Variants in AHRR observed in about 807,000 individuals in gnomAD.
The protein encoded by AHRR is aryl hydrocarbon receptor repressor.
AHRR carries 28 observed loss-of-function variants against 44.0 expected under a neutral mutation model. The observed-to-expected ratio is 0.64, with a 90% CI of 0.47 to 0.87. The LOEUF is 0.87. Ranked by LOEUF, AHRR falls within the 40% of genes least tolerant of loss-of-function variation. AHRR has a pLI of 0.00. For synonymous variants in AHRR, 434 were observed against 407.0 expected, an observed-to-expected ratio of 1.07 and a Z score of -0.80; for missense variants, 990 against 953.9, an observed-to-expected ratio of 1.04 and a Z score of -0.50.
chr5:401,928 C>A (rs1473991611), intron 4 of AHRR, among the ~76,000 whole-genome samples: 1 of 152,134 alleles, frequency 6.6e-6, no homozygotes, highest in Non-Finnish European at 1.5e-5. Flanking sequence ...AAGAGCGGGG[C>A]AGCAAAAGAG....
In AHRR at chr5:422,773, C is replaced by T. The variant is rs766311759; in HGVS notation, c.486C>T (p.Asp162=). 7 of 1,614,030 alleles carry T rather than the reference C, an allele frequency of 4.3e-6. No individual in the cohort carries two copies. The highest frequency in any genetic ancestry group is 2.2e-5 in the East Asian group (1 of 44,886). ...ACATTTATGACTACATCCACGTGGACGACCGCCAGGACTTCTGCCGGCAGC... is the reference window on the plus strand; with the variant it reads ...ACATTTATGACTACATCCACGTGGATGACCGCCAGGACTTCTGCCGGCAGC... ...HQNIYDYIHV[D]DRQDFCRQLH... The change falls in exon 6 of 11, where the codon GAC becomes GAT. Residue 162 remains aspartate, a synonymous_variant. Transcript: ENST00000684583.
intron 3 of AHRR, among the ~76,000 whole-genome samples, chr5:359,520 G>C (rs1425722705): frequency 3.3e-5 from 5 of 152,186 alleles, no homozygotes; most frequent in Non-Finnish European, 7.3e-5. Context: ...GAAGTGTGGA[G>C]TAGATTAGTA....
intron 4 of AHRR, among the ~76,000 whole-genome samples, chr5:401,170 C>A (rs555774311): frequency 6.6e-6 from 1 of 152,212 alleles, no homozygotes; most frequent in Non-Finnish European, 1.5e-5. Context: ...CCTTGGGGTG[C>A]ACCCCACGTC....
intron 2 of AHRR, among the ~76,000 whole-genome samples, chr5:349,247 T>G (rs183662691): frequency 1.7e-3 from 265 of 152,346 alleles, no homozygotes; most frequent in African/African-American, 6.0e-3. Context: ...AAAGCTTATC[T>G]TTTCAATTTT....
In AHRR at chr5:380,062, G is replaced by T. The variant is rs551392163; in HGVS notation, c.351+3346G>T. Among the ~76,000 whole-genome samples the T allele has an allele frequency of 8.7e-4, 133 of 152,318 alleles. 3 individuals are homozygous for T. In the South Asian group the frequency reaches 0.027, roughly 30 times the overall value. The stretch of plus-strand genomic sequence containing the variant: ...TGTTTTTGCATGTGACTATCCAGAT[G>T]TCTCAGCACCATGTATTAGAAAGAC... On this transcript the variant is annotated intron_variant, in intron 4 of 10. Coordinates refer to ENST00000684583, the MANE Select transcript of AHRR (RefSeq NM_001377236.1).
chr5:362,797 G>T (rs1743225892), intron 3 of AHRR, among the ~76,000 whole-genome samples: 1 of 152,146 alleles, frequency 6.6e-6, no homozygotes, highest in Non-Finnish European at 1.5e-5. Flanking sequence ...GAAGAGCAGG[G>T]GCTCATTCAC....
At position 343,690 on chromosome 5, in the gene AHRR, CG is replaced by C. The variant is rs1294130470; in HGVS notation, c.-10-201del. On this transcript the variant is annotated intron_variant, in intron 1 of 10. Coordinates refer to ENST00000684583, the MANE Select transcript of AHRR (RefSeq NM_001377236.1). ...ACCGAGGGGAGGCCCAGGCGTGACC[CG>C]GCCCCGGTGGCTCCTCGGTGCGGGG... is the stretch of plus-strand genomic sequence containing the variant. 96 of 535,318 alleles carry C rather than the reference CG, an allele frequency of 1.8e-4. No individual in the cohort carries two copies. The East Asian group carries it at 3.4e-3, about 19-fold the overall frequency. The allele number at this position is 535,318 out of a possible 1,614,324, so 33.2% of individuals were successfully genotyped here. A position where few individuals can be genotyped will look rare whatever the true frequency, so the allele number is the denominator to read the frequency against.
At chr5:394,698 G>A (rs1054243684) in intron 4 of AHRR, among the ~76,000 whole-genome samples, 2 of 152,166 alleles carry the variant, frequency 1.3e-5, no homozygotes, top group African/African-American at 2.4e-5. Flanking sequence ...TTTCCTGGCT[G>A]TGCCTCCTGT....
Position 432,822 on chromosome 5 carries a change from G to A in AHRR, c.987G>A (p.Glu329=). 1 of 1,613,910 alleles carries A rather than the reference G, an allele frequency of 6.2e-7. No individual in the cohort carries two copies. The highest frequency in any genetic ancestry group is 8.5e-7 in the Non-Finnish European group (1 of 1,180,030). Residue 329 remains glutamate (E), a synonymous_variant, in exon 10 of 11, where the codon GAG becomes GAA. Transcript: ENST00000684583. ...PNYSAGRSSR[E]SGVLVLREQT... ...CCCCAACAGGAAGGAGCAGCAGAGA[G>A]AGCGGCGTTTTGGTGCTCAGGGAAC... is the stretch of plus-strand genomic sequence containing the variant.
intron 3 of AHRR, among the ~76,000 whole-genome samples, chr5:369,627 T>C (rs1743496827): frequency 6.6e-6 from 1 of 152,226 alleles, no homozygotes; most frequent in East Asian, 1.9e-4. Context: ...GAGCTGTGCT[T>C]GTCCCACGCT....
intron 5 of AHRR, among the ~76,000 whole-genome samples, chr5:414,974 G>A (rs950926537): frequency 2.6e-5 from 4 of 152,260 alleles, no homozygotes; most frequent in Non-Finnish European, 4.4e-5. Context: ...GGGCCCAGGC[G>A]GGGGCCGTTG....
At chr5:381,201 C>T (rs1216603436) in intron 4 of AHRR, among the ~76,000 whole-genome samples, 1 of 152,240 alleles carries the variant, frequency 6.6e-6, no homozygotes, top group Non-Finnish European at 1.5e-5. Flanking sequence ...TCCACCGAAT[C>T]ACATGCCAAT....
intron 6 of AHRR, 26 bp from the exon 7 acceptor site, chr5:423,815 C>A (rs377631576): frequency 1.5e-4 from 242 of 1,573,148 alleles, no homozygotes; most frequent in Middle Eastern, 3.6e-4. Flanking sequence ...CCCACCGCCA[C>A]GCCCCTTGGC....
chr5:376,557 A>AACGCGGGGAAACACAGGAAAGATGTTAAT, intron 3 of AHRR, 53 bp from the exon 4 acceptor site: 1 of 1,423,184 alleles, frequency 7.0e-7, no homozygotes, highest in Non-Finnish European at 9.5e-7. Flanking sequence ...AATGAAGAAG[A>AACGCGGGGAAACACAGGAAAGATGTTAAT]GTGGCCAGGC....
intron 8 of AHRR, among the ~76,000 whole-genome samples, chr5:428,520 A>G (rs1736573895): frequency 6.6e-6 from 1 of 152,238 alleles, no homozygotes; most frequent in African/African-American, 2.4e-5. Context: ...GCCTTTCAGA[A>G]GTAGAAAACA....
Position 395,255 on chromosome 5 carries a change from T to A in AHRR, c.352-18089T>A, listed in dbSNP as rs970934567. 6.6e-6 allele frequency among the ~76,000 whole-genome samples: 1 copy of A among 152,186 alleles called. No homozygotes were observed. Among genetic ancestry groups the A allele is most frequent in the Non-Finnish European group, 1.5e-5 (1 of 68,034 alleles). On this transcript the variant is annotated intron_variant, in intron 4 of 10. Transcript: ENST00000684583. The surrounding 1 kb of genome is among the most constrained non-coding windows in gnomAD (Gnocchi z 5.3). Reference sequence around the variant, plus strand: ...CTGCCCTGCGTCCCCATTCCCTGAATGACACTGGTGCGGAATGCAGACAGA... The same window carrying A: ...CTGCCCTGCGTCCCCATTCCCTGAAAGACACTGGTGCGGAATGCAGACAGA...
chr5:334,269 TG>T (rs1247309164), intron 1 of AHRR, among the ~76,000 whole-genome samples: 1 of 152,180 alleles, frequency 6.6e-6, no homozygotes, highest in Non-Finnish European at 1.5e-5. Context: ...TTGCTAAACT[TG>T]GCAGGTTTTC....
intron 4 of AHRR, among the ~76,000 whole-genome samples, chr5:382,226 C>T (rs981793902): frequency 1.3e-5 from 2 of 152,186 alleles, no homozygotes; most frequent in Non-Finnish European, 2.9e-5. Context: ...TTCTGGAAGA[C>T]ATTGTGTAGA....
At chr5:428,916 T>C (rs189573033) in intron 8 of AHRR, among the ~76,000 whole-genome samples, 11,124 of 152,222 alleles carry the variant, frequency 0.073, 481 homozygotes, top group Admixed American at 0.13. Context: ...TGACAGGCAG[T>C]GGAGCTCTGG....
Sources: gnomAD v4.1 joint callset for allele counts (sites outside exome capture counted in the v4.1 genomes callset) on GRCh38, gnomAD v4.1.1 for gene constraint, Gnocchi (gnomAD v3.1) non-coding constraint, MANE v1.5 for transcripts, NCBI Gene and HGNC (gene_info 2026-07-23, HGNC 2026-07-21) for gene names.